Variants in UBXN2A observed in about 807,000 individuals in gnomAD.
The protein encoded by UBXN2A is UBX domain-containing protein 2A.
UBXN2A carries 28 observed loss-of-function variants against 28.4 expected under a neutral mutation model. The observed-to-expected ratio is 0.99, with a 90% CI of 0.73 to 1.35. The LOEUF is 1.35. Among genes scored for constraint, UBXN2A ranks in the 40% most tolerant of loss-of-function variants. The pLI, the probability that UBXN2A is intolerant of heterozygous loss-of-function variation, is 0.00. For synonymous variants in UBXN2A, 97 were observed against 103.6 expected (o/e 0.94, Z 0.39); for missense variants, 253 against 297.9 (o/e 0.85, Z 1.11).
At position 23,984,699 on chromosome 2, in the gene UBXN2A, C is replaced by G. The variant is rs763285894; in HGVS notation, c.452C>G (p.Ala151Gly). 1.3e-6 allele frequency: 2 copies of G among 1,542,730 alleles called. No homozygotes were observed. Among genetic ancestry groups the G allele is most frequent in the Non-Finnish European group, 1.7e-6 (2 of 1,154,394 alleles). The stretch of plus-strand genomic sequence containing the variant: ...GCCACACCAAAAATTGTTTCTAAAG[C>G]AAAGAATATTGAAGTTGAAAATAAA... ...GSATPKIVSK[A>G]KNIEVENKNN... The change falls in exon 6 of 7, where the codon GCA (alanine) becomes GGA (glycine). Residue 151 changes from alanine to glycine, a missense_variant. Transcript: ENST00000309033.
At chr2:23,996,466 T>C (rs1248461824) in intron 6 of UBXN2A, among the ~76,000 whole-genome samples, 2 of 151,058 alleles carry the variant, frequency 1.3e-5, no homozygotes, top group African/African-American at 4.9e-5. Flanking sequence ...TTTTCTTTTT[T>C]CTTTTTCTTT....
At chr2:23,957,868 T>TC (rs1257206962) in intron 1 of UBXN2A, among the ~76,000 whole-genome samples, 2 of 152,100 alleles carry the variant, frequency 1.3e-5, no homozygotes, top group African/African-American at 4.8e-5. Context: ...ATAAATGTGA[T>TC]CCACCCACCT....
chr2:23,966,533 A>G (rs1175535444), intron 2 of UBXN2A, among the ~76,000 whole-genome samples: 7 of 150,426 alleles, frequency 4.7e-5, no homozygotes, highest in African/African-American at 1.7e-4. Context: ...GCTCACTGCA[A>G]GCTCTGCCTC....
At chr2:23,949,116 C>CTTTTTTTTTTTTTT (rs1223944833) in intron 1 of UBXN2A, among the ~76,000 whole-genome samples, 158 of 127,022 alleles carry the variant, frequency 1.2e-3, no homozygotes, top group Non-Finnish European at 1.9e-3. Context: ...ATTTTTTTTT[C>CTTTTTTTTTTTTTT]TTTTTTTTTT....
In UBXN2A at chr2:23,977,083, G is replaced by A; in HGVS notation, c.287+8G>A. On this transcript the variant is annotated splice_region_variant and intron_variant, in intron 4 of 6. Coordinates refer to ENST00000309033, the MANE Select transcript of UBXN2A (RefSeq NM_181713.4). ...GAACTCCATCAAAAAGGGGTGAGTA[G>A]CCAGGTGTGGTAGGTCAAGCCTGTA... 1 of 1,608,340 alleles carries A rather than the reference G, an allele frequency of 6.2e-7. No individual in the cohort carries two copies. Among genetic ancestry groups the A allele is most frequent in the South Asian group, 1.1e-5 (1 of 90,826 alleles).
chr2:23,939,071 C>T (rs573864595), upstream of UBXN2A, among the ~76,000 whole-genome samples: 2 of 152,036 alleles, frequency 1.3e-5, no homozygotes, highest in African/African-American at 4.8e-5. Flanking sequence ...GGATCAATCT[C>T]AATCTGAGTC....
chr2:23,999,622 G>A, intron 6 of UBXN2A, 50 bp from the exon 7 acceptor site: 1 of 1,543,016 alleles, frequency 6.5e-7, no homozygotes, highest in South Asian at 1.2e-5. Flanking sequence ...TATAAATTAG[G>A]TAATTCAAAT....
intron 6 of UBXN2A, among the ~76,000 whole-genome samples, chr2:23,992,127 A>G (rs1708377108): frequency 6.6e-6 from 1 of 152,116 alleles, no homozygotes; most frequent in Non-Finnish European, 1.5e-5. Context: ...GTGTGCCACC[A>G]TGCCCAGCTA....
Position 23,999,743 on chromosome 2 carries a change from C to T in UBXN2A, c.656C>T (p.Thr219Ile). 1 of 1,614,182 alleles carries T rather than the reference C, an allele frequency of 6.2e-7. No individual in the cohort carries two copies. The highest frequency in any genetic ancestry group is 1.7e-5 in the Admixed American group (1 of 60,008). Residue 219 changes from threonine (T) to isoleucine (I), a missense_variant, in exon 7 of 7, where the codon ACA becomes ATA. Thr to Ile is a moderately conservative substitution (Grantham distance 89). Coordinates refer to ENST00000309033, the MANE Select transcript of UBXN2A (RefSeq NM_181713.4). ...SQRSPPFSLA[T>I]ALPVLRLLDE... Reference sequence around the variant, plus strand: ...AGAAGTCCTCCGTTTTCCCTGGCAACAGCTCTTCCTGTCCTCAGGTTGCTA... The same window carrying T: ...AGAAGTCCTCCGTTTTCCCTGGCAATAGCTCTTCCTGTCCTCAGGTTGCTA...
chr2:23,958,433 A>G, intron 2 of UBXN2A, 78 bp downstream of exon 2: 3 of 1,356,152 alleles, frequency 2.2e-6, no homozygotes, highest in Non-Finnish European at 3.0e-6. Flanking sequence ...TTTCACTTGC[A>G]GAGATAGTAG....
chr2:23,999,348 A>G (rs1240570955), intron 6 of UBXN2A, among the ~76,000 whole-genome samples: 1 of 152,186 alleles, frequency 6.6e-6, no homozygotes, highest in Non-Finnish European at 1.5e-5. Flanking sequence ...TAGTATTGTC[A>G]TCAAATTTCT....
At chr2:23,943,413 T>C (rs999112440) in intron 1 of UBXN2A, among the ~76,000 whole-genome samples, 1 of 152,156 alleles carries the variant, frequency 6.6e-6, no homozygotes, top group African/African-American at 2.4e-5. Context: ...ACTGATCTCT[T>C]CTCATGTTAA....
At position 23,935,403 on chromosome 2, in the gene UBXN2A, A is replaced by C. The variant is rs182450298; in HGVS notation, c.-137-4137A>C. Among the ~76,000 whole-genome samples, 111 of 152,274 alleles carry C rather than the reference A, an allele frequency of 7.3e-4. No homozygotes were observed. The Middle Eastern group carries it at 0.01, about 14-fold the overall frequency. ...TGTAACTCAACAACAACAACAACAAAAAAAACCTATTTGAAAATTCGCAAG... is the reference window on the plus strand; with the variant it reads ...TGTAACTCAACAACAACAACAACAACAAAAACCTATTTGAAAATTCGCAAG... On this transcript the variant is annotated intron_variant, in intron 1 of 7. Coordinates refer to the UBXN2A transcript ENST00000404924.
intron 1 of UBXN2A, among the ~76,000 whole-genome samples, chr2:23,931,703 G>A (rs976224180): frequency 2.0e-5 from 3 of 152,128 alleles, no homozygotes; most frequent in African/African-American, 7.2e-5. Context: ...CAGTGAATTT[G>A]ACCTTTTCTC....
At chr2:23,962,123 G>A (rs1706952965) in intron 2 of UBXN2A, among the ~76,000 whole-genome samples, 1 of 152,164 alleles carries the variant, frequency 6.6e-6, no homozygotes, top group South Asian at 2.1e-4. Flanking sequence ...TAGGATTACA[G>A]GCATGAGCCA....
chr2:23,971,562 C>T, intron 3 of UBXN2A, 148 bp downstream of exon 3: 3 of 843,554 alleles, frequency 3.6e-6, no homozygotes, highest in African/African-American at 1.7e-5. Context: ...GATCTTAGCC[C>T]ACTGCAACCT....
intron 1 of UBXN2A, among the ~76,000 whole-genome samples, chr2:23,949,121 T>C (rs985550947): frequency 6.8e-6 from 1 of 147,856 alleles, no homozygotes; most frequent in East Asian, 2.0e-4. Flanking sequence ...TTTTTCTTTT[T>C]TTTTTTTTTT....
chr2:23,948,489 G>A (rs955035984), intron 1 of UBXN2A, among the ~76,000 whole-genome samples: 2 of 151,910 alleles, frequency 1.3e-5, no homozygotes, highest in African/African-American at 4.8e-5. Flanking sequence ...CTGATCTCAG[G>A]CGATCTGCCC....
intron 1 of UBXN2A, among the ~76,000 whole-genome samples, chr2:23,930,489 G>A (rs1705334923): frequency 6.6e-6 from 1 of 152,130 alleles, no homozygotes; most frequent in African/African-American, 2.4e-5. Context: ...AGGGATTTTA[G>A]GGAAAACCTC....
Sources: allele counts gnomAD v4.1 joint callset (sites outside exome capture counted in the v4.1 genomes callset), GRCh38; gene constraint gnomAD v4.1.1; transcripts MANE v1.5; gene names NCBI Gene and HGNC (gene_info 2026-07-23, HGNC 2026-07-21).